The following GABRB1 variants were observed in gnomAD, a reference collection of about 807,000 sequenced individuals.
The protein encoded by GABRB1 is gamma-aminobutyric acid receptor subunit beta-1.
Under a neutral mutation model 51.6 loss-of-function variants are expected in GABRB1, and 17 were observed. The ratio of observed to expected loss-of-function variants is 0.33; its 90% CI spans 0.23 to 0.49. The LOEUF is 0.49. GABRB1 is among the 20% of genes least tolerant of loss of function. GABRB1 has a pLI of 0.99. For synonymous variants in GABRB1, 247 were observed against 218.9 expected (o/e 1.13, Z -1.14); for missense variants, 410 against 600.6 (o/e 0.68, Z 3.32).
At chr4:47,219,466 T>C (rs1249176650) in intron 4 of GABRB1, among the ~76,000 whole-genome samples, 1 of 151,876 alleles carries the variant, frequency 6.6e-6, no homozygotes, top group Admixed American at 6.6e-5. Flanking sequence ...TCTAACCTGC[T>C]TCTATTTGTT....
intron 3 of GABRB1, among the ~76,000 whole-genome samples, chr4:47,108,962 A>C (rs552027596): frequency 6.6e-6 from 1 of 152,206 alleles, no homozygotes; most frequent in South Asian, 2.1e-4. Flanking sequence ...CCCGAGGTGA[A>C]GTGAGTGAGA....
At chr4:47,301,892 A>G (rs1487653640) in intron 4 of GABRB1, among the ~76,000 whole-genome samples, 1 of 152,202 alleles carries the variant, frequency 6.6e-6, no homozygotes, top group African/African-American at 2.4e-5. Flanking sequence ...AATAATGTAG[A>G]GAGTTCCAAA....
At chr4:47,032,128 GCACACACACACACACACA>G in intron 2 of GABRB1, 123 bp downstream of exon 2, 1 of 582,500 alleles carries the variant, frequency 1.7e-6, no homozygotes, top group Non-Finnish European at 3.0e-6. Context: ...TATACCCTGG[GCACACACACACACACACA>G]CACACACACA....
chr4:47,050,699 G>A (rs1220160907), intron 3 of GABRB1, among the ~76,000 whole-genome samples: 1 of 152,132 alleles, frequency 6.6e-6, no homozygotes, highest in East Asian at 1.9e-4. Flanking sequence ...GCATTCAGGA[G>A]TGAATTGACA....
intron 5 of GABRB1, among the ~76,000 whole-genome samples, chr4:47,320,533 A>C (rs538372604): frequency 1.3e-5 from 2 of 152,162 alleles, no homozygotes; most frequent in Admixed American, 1.3e-4. Context: ...AGTTTGTGAG[A>C]TTGTTTTGGG....
intron 8 of GABRB1, among the ~76,000 whole-genome samples, chr4:47,424,387 A>C (rs1729195264): frequency 6.7e-6 from 1 of 148,670 alleles, no homozygotes; most frequent in Non-Finnish European, 1.5e-5. Context: ...TGTATTAAAC[A>C]GTAATATAAA....
chr4:47,163,573 A>C lies in GABRB1; in HGVS notation c.461+2104A>C, dbSNP rs569328956. Among the ~76,000 whole-genome samples, 426 of 152,012 alleles carry C rather than the reference A, an allele frequency of 2.8e-3. 2 individuals carry two copies. The highest frequency in any genetic ancestry group is 0.01 in the African/African-American group (415 of 41,480). On this transcript the variant is annotated intron_variant, in intron 4 of 8. Coordinates refer to ENST00000295454, the MANE Select transcript of GABRB1 (RefSeq NM_000812.4). ...AGGGGAGTGTGGCAAGTGTTGAAAA[A>C]CTACCTATTGAGTGCTATATTCATG...
Position 47,161,283 on chromosome 4 carries a change from G to A in GABRB1, c.275G>A (p.Trp92Ter). ...CTCACCATGTATTTCCAGCAGTCTT[G>A]GAAAGACAAAAGGCTTTCTTATTCT... is the stretch of plus-strand genomic sequence containing the variant. ...YTLTMYFQQS[W>*]KDKRLSYSGI... is the part of the protein sequence containing the mutation. The change falls in exon 4 of 9, where the codon TGG becomes TAG. Residue 92 changes from tryptophan to a stop codon, truncating the protein, a stop_gained. Transcript: ENST00000295454. LOFTEE classifies it high-confidence loss of function. 2 of 1,605,682 alleles carry A rather than the reference G, an allele frequency of 1.2e-6. No individual in the cohort carries two copies. Among genetic ancestry groups the A allele is most frequent in the Non-Finnish European group, 1.7e-6 (2 of 1,177,220 alleles).
In GABRB1 at chr4:47,055,881, C is replaced by T. The variant is rs545298179; in HGVS notation, c.240+23397C>T. Among the ~76,000 whole-genome samples, 5 of 152,316 alleles carry T rather than the reference C, an allele frequency of 3.3e-5. No homozygotes were observed. In the South Asian group the frequency reaches 1.0e-3, roughly 32 times the overall value. On this transcript the variant is annotated intron_variant, in intron 3 of 8. Coordinates refer to ENST00000295454, the MANE Select transcript of GABRB1 (RefSeq NM_000812.4). ...CTATTTTTTAATCATATTTAGTCCA[C>T]TGATAAGGCTTATTCTGTGACTCTT... is the stretch of plus-strand genomic sequence containing the variant.
intron 4 of GABRB1, among the ~76,000 whole-genome samples, chr4:47,264,202 A>G (rs766295373): frequency 6.6e-6 from 1 of 152,174 alleles, no homozygotes; most frequent in Non-Finnish European, 1.5e-5. Flanking sequence ...AGCTGAAAAC[A>G]GAGTAGATAG....
chr4:47,028,824 G>A (rs150237406), upstream of GABRB1, among the ~76,000 whole-genome samples: 55 of 146,514 alleles, frequency 3.8e-4, no homozygotes, highest in Non-Finnish European at 1.7e-4. Context: ...TGTATATATG[G>A]TATATATACA....
intron 3 of GABRB1, among the ~76,000 whole-genome samples, chr4:47,125,648 T>C (rs929886283): frequency 8.7e-4 from 115 of 132,146 alleles, no homozygotes; most frequent in East Asian, 2.9e-3. Context: ...CTCCGCCTCC[T>C]GGGTTCACGC....
chr4:47,223,954 G>GA (rs1228516501), intron 4 of GABRB1, among the ~76,000 whole-genome samples: 1 of 151,992 alleles, frequency 6.6e-6, no homozygotes, highest in Non-Finnish European at 1.5e-5. Context: ...CTTTTGAGTG[G>GA]AAAATATGAC....
At chr4:47,308,425 G>A (rs1443793002) in intron 4 of GABRB1, among the ~76,000 whole-genome samples, 1 of 152,028 alleles carries the variant, frequency 6.6e-6, no homozygotes. Flanking sequence ...TCCCCTTAGG[G>A]AGCTGGGAAT....
intron 5 of GABRB1, among the ~76,000 whole-genome samples, chr4:47,343,799 C>T (rs6833189): frequency 2.6e-5 from 4 of 152,002 alleles, no homozygotes; most frequent in African/African-American, 9.7e-5. Context: ...ACCTGTACCA[C>T]GTATTCATAT....
intron 3 of GABRB1, among the ~76,000 whole-genome samples, chr4:47,035,228 T>A (rs1386606474): frequency 2.0e-5 from 3 of 152,174 alleles, no homozygotes; most frequent in African/African-American, 4.8e-5. Context: ...GGTTTACACA[T>A]TGTCTGCTTT....
At chr4:47,021,115 A>G (rs1724918111) in intron 1 of GABRB1, among the ~76,000 whole-genome samples, 1 of 152,086 alleles carries the variant, frequency 6.6e-6, no homozygotes, top group African/African-American at 2.4e-5. Flanking sequence ...AAAACCCTCC[A>G]CAGATTCCTA....
At chr4:47,096,702 G>A (rs6854637) in intron 3 of GABRB1, among the ~76,000 whole-genome samples, 17,185 of 152,176 alleles carry the variant, frequency 0.11, 1,275 homozygotes, top group African/African-American at 0.21. Flanking sequence ...ATAATGATCA[G>A]AGTCAGAGGA....
chr4:47,167,415 A>G (rs1718235271), intron 4 of GABRB1, among the ~76,000 whole-genome samples: 1 of 152,010 alleles, frequency 6.6e-6, no homozygotes, highest in South Asian at 2.1e-4. Flanking sequence ...TTGAAAAAAA[A>G]AATGCCTTTT....
Sources: allele counts gnomAD v4.1 joint callset (sites outside exome capture counted in the v4.1 genomes callset), GRCh38; gene constraint gnomAD v4.1.1; transcripts MANE v1.5; gene names NCBI Gene and HGNC (gene_info 2026-07-23, HGNC 2026-07-21).